ALG5: variants seen among roughly 807,000 people sequenced by gnomAD.
ALG5 encodes the protein ALG5 dolichyl-phosphate beta-glucosyltransferase.
Under a neutral mutation model 51.8 loss-of-function variants are expected in ALG5, and 26 were observed. The observed-to-expected ratio is 0.50, with a 90% CI of 0.37 to 0.70. The LOEUF (loss-of-function observed/expected upper bound fraction) is 0.70. Among genes scored for constraint, ALG5 ranks in the 30% least tolerant of loss-of-function variants. The pLI is 0.00. For synonymous variants in ALG5, 141 were observed against 136.1 expected, an observed-to-expected ratio of 1.04 and a Z score of -0.25; for missense variants, 311 against 399.3, an observed-to-expected ratio of 0.78 and a Z score of 1.88.
At chr13:36,950,148 A>C in intron 9 of ALG5, 91 bp from the exon 10 acceptor site, 1 of 703,682 alleles carries the variant, frequency 1.4e-6, no homozygotes, top group Non-Finnish European at 2.3e-6. Flanking sequence ...GATCGTTGTG[A>C]GCCTTTAGCA....
chr13:36,963,063 G>C (rs1403329703), intron 8 of ALG5, among the ~76,000 whole-genome samples: 1 of 152,114 alleles, frequency 6.6e-6, no homozygotes, highest in Non-Finnish European at 1.5e-5. Context: ...TCCTGCCTCA[G>C]TATCCTGAGT....
At chr13:36,982,081 ACT>A (rs770865482) in intron 6 of ALG5, among the ~76,000 whole-genome samples, 30 of 152,154 alleles carry the variant, frequency 2.0e-4, no homozygotes, top group Non-Finnish European at 3.4e-4. Flanking sequence ...ACAAAGCGAG[ACT>A]CTGTCTCAAA....
Position 36,971,828 on chromosome 13 carries a change from T to G in ALG5, c.621+149A>C, listed in dbSNP as rs114412399. The G allele has an allele frequency of 6.5e-3, 3,836 of 592,622 alleles. 110 individuals are homozygous for G. Among genetic ancestry groups the G allele is most frequent in the African/African-American group, 0.064 (3,394 of 52,650 alleles). The allele number at this position is 592,622 out of a possible 1,614,324, so 36.7% of individuals were successfully genotyped here. A position where few individuals can be genotyped will look rare whatever the true frequency, so the allele number is the denominator to read the frequency against. Reference sequence around the variant, plus strand: ...TAAAATGTGCCAATCCTTCATAACCTTTCCACAATTAAAACATTAATTTCT... The same window carrying G: ...TAAAATGTGCCAATCCTTCATAACCGTTCCACAATTAAAACATTAATTTCT... On this transcript the variant is annotated intron_variant, in intron 7 of 9. Coordinates refer to ENST00000239891, the MANE Select transcript of ALG5 (RefSeq NM_013338.5).
intron 7 of ALG5, among the ~76,000 whole-genome samples, chr13:36,970,164 T>C (rs917170245): frequency 2.0e-5 from 3 of 151,988 alleles, no homozygotes; most frequent in Admixed American, 2.0e-4. Context: ...GTTAAACTGA[T>C]GAAGCAGGAT....
chr13:36,965,090 G>T (rs2058886599), intron 8 of ALG5, among the ~76,000 whole-genome samples: 1 of 152,076 alleles, frequency 6.6e-6, no homozygotes, highest in Non-Finnish European at 1.5e-5. Flanking sequence ...CAGGGTCAAT[G>T]GAAAGGGTTC....
intron 6 of ALG5, among the ~76,000 whole-genome samples, chr13:36,977,822 G>T (rs1341200172): frequency 2.9e-5 from 4 of 136,268 alleles, no homozygotes; most frequent in Non-Finnish European, 4.5e-5. Context: ...AAACAAAAAC[G>T]GTGGTAAGAA....
At chr13:36,980,428 T>C (rs1449314401) in intron 6 of ALG5, among the ~76,000 whole-genome samples, 1 of 152,072 alleles carries the variant, frequency 6.6e-6, no homozygotes, top group South Asian at 2.1e-4. Context: ...GATTTCGCTA[T>C]GTTGGCCAGG....
chr13:36,973,244 C>T (rs1022749674), intron 6 of ALG5, among the ~76,000 whole-genome samples: 12 of 151,940 alleles, frequency 7.9e-5, no homozygotes, highest in African/African-American at 2.9e-4. Context: ...GATAAAGCTA[C>T]AATAATTCAA....
At chr13:36,957,639 A>G (rs746432485) in intron 8 of ALG5, among the ~76,000 whole-genome samples, 1 of 152,170 alleles carries the variant, frequency 6.6e-6, no homozygotes, top group Non-Finnish European at 1.5e-5. Context: ...TGTTGCCTAC[A>G]GCCTTACTAG....
chr13:36,962,193 A>C (rs1220128728), intron 8 of ALG5, among the ~76,000 whole-genome samples: 2 of 152,222 alleles, frequency 1.3e-5, no homozygotes, highest in Non-Finnish European at 2.9e-5. Context: ...ATTTCAATGA[A>C]TCCTTAAGAA....
intron 6 of ALG5, among the ~76,000 whole-genome samples, chr13:36,975,113 C>T (rs533525537): frequency 2.3e-3 from 346 of 152,122 alleles, no homozygotes; most frequent in African/African-American, 8.0e-3. Flanking sequence ...TGGGAGGTTG[C>T]GGCAGGAGAA....
chr13:36,955,756 T>C (rs1045052059), intron 8 of ALG5, among the ~76,000 whole-genome samples: 2 of 127,266 alleles, frequency 1.6e-5, no homozygotes, highest in African/African-American at 5.8e-5. Context: ...GACTTTTCAA[T>C]AGATGGTGTT....
chr13:36,974,619 G>T (rs987830669), intron 6 of ALG5, among the ~76,000 whole-genome samples: 2 of 151,344 alleles, frequency 1.3e-5, no homozygotes, highest in African/African-American at 4.9e-5. Context: ...TCAAACATAC[G>T]CAAAACTAGA....
intron 6 of ALG5, among the ~76,000 whole-genome samples, chr13:36,972,791 G>C (rs1463082706): frequency 6.6e-6 from 1 of 152,048 alleles, no homozygotes; most frequent in Non-Finnish European, 1.5e-5. Flanking sequence ...AGGAGATCGA[G>C]ATCATCCTGG....
At chr13:36,969,420 T>TA (rs892195129) in intron 7 of ALG5, among the ~76,000 whole-genome samples, 1 of 79,794 alleles carries the variant, frequency 1.3e-5, no homozygotes, top group Non-Finnish European at 2.7e-5. Context: ...TAATATATTT[T>TA]AAAAAAAAAA....
intron 5 of ALG5, 46 bp from the exon 6 acceptor site, chr13:36,985,786 G>T (rs2138819617): frequency 1.5e-6 from 2 of 1,327,308 alleles, no homozygotes; most frequent in African/African-American, 1.5e-5. Context: ...TAAAACTCAG[G>T]TTAAATTCAA....
chr13:36,984,315 G>T (rs923663774), intron 6 of ALG5, among the ~76,000 whole-genome samples: 7 of 151,944 alleles, frequency 4.6e-5, no homozygotes, highest in Non-Finnish European at 4.4e-5. Context: ...TGCCCAGGCT[G>T]GGCTCAAACT....
In ALG5 at chr13:36,972,006, C is replaced by T. The variant is rs1388788706; in HGVS notation, c.592G>A (p.Ala198Thr). The change falls in exon 7 of 10, where the codon GCT becomes ACT. Residue 198 changes from alanine (A) to threonine (T), a missense_variant. Physicochemically the swap from Ala to Thr is moderately conservative, Grantham distance 58. Coordinates refer to ENST00000239891, the MANE Select transcript of ALG5 (RefSeq NM_013338.5). ...NQMAIACGSRAHLEKESIAQR... is the reference protein window; with the variant it reads ...NQMAIACGSRTHLEKESIAQR... ...GCAATTGATTCTTTTTCTAAATGAG[C>T]TCGAGATCCACATGCTATAGCCATT... is the stretch of plus-strand genomic sequence containing the variant. The T allele has an allele frequency of 6.2e-7, 1 of 1,603,718 alleles. No individual in the cohort carries two copies. The highest frequency in any genetic ancestry group is 2.2e-5 in the East Asian group (1 of 44,544).
chr13:36,994,429 G>A (rs1245666814), intron 3 of ALG5, among the ~76,000 whole-genome samples: 1 of 152,112 alleles, frequency 6.6e-6, no homozygotes, highest in Non-Finnish European at 1.5e-5. Context: ...TTCTCCTTAT[G>A]TAGGGAAAAC....
Sources: gnomAD v4.1 joint callset for allele counts (sites outside exome capture counted in the v4.1 genomes callset) on GRCh38, gnomAD v4.1.1 for gene constraint, MANE v1.5 for transcripts, NCBI Gene and HGNC (gene_info 2026-07-23, HGNC 2026-07-21) for gene names.